SCNN1D: variants seen among roughly 807,000 people sequenced by gnomAD.
SCNN1D encodes the protein epithelial sodium channel subunit delta.
A neutral mutation model predicts 87.8 loss-of-function variants in SCNN1D; 104 were observed. The ratio of observed to expected loss-of-function variants is 1.18; its 90% CI spans 1.01 to 1.39. The LOEUF is 1.39. Ranked by LOEUF, SCNN1D falls within the 40% of genes most tolerant of loss-of-function variation. The probability of loss-of-function intolerance (pLI) is 0.00; values close to 1 mark genes in which losing one functional copy is unlikely to be tolerated. For missense variants in SCNN1D, 1,324 were observed against 1,093.9 expected, an observed-to-expected ratio of 1.21 and a Z score of -2.97; for synonymous variants, 628 against 481.2, an observed-to-expected ratio of 1.31 and a Z score of -3.99.
chr1:1,290,568 T>A lies in SCNN1D; in HGVS notation c.1859+13T>A. The A allele has an allele frequency of 6.2e-7, 1 of 1,611,946 alleles. No individual in the cohort carries two copies. The highest frequency in any genetic ancestry group is 8.5e-7 in the Non-Finnish European group (1 of 1,179,716). Reference sequence around the variant, plus strand: ...CCAGGCCCTGCAGGTGAGACGGGGGTGTTGGGGTCGCGGCCAGGGATCATT... The same window carrying A: ...CCAGGCCCTGCAGGTGAGACGGGGGAGTTGGGGTCGCGGCCAGGGATCATT... On this transcript the variant is annotated intron_variant, in intron 14 of 17. Transcript: ENST00000379116.
chr1:1,284,038 G>A lies in SCNN1D; in HGVS notation c.412G>A (p.Glu138Lys), dbSNP rs766276039. 1.1e-4 allele frequency: 152 copies of A among 1,384,812 alleles called. No individual in the cohort carries two copies. Among genetic ancestry groups the A allele is most frequent in the Middle Eastern group, 1.8e-4 (1 of 5,516 alleles). 85.8% of individuals were successfully genotyped at this position (1,384,812 alleles called of 1,614,324 possible). Residue 138 changes from glutamate to lysine, a missense_variant, in exon 5 of 18, where the codon GAA becomes AAA. Coordinates refer to ENST00000379116, the MANE Select transcript of SCNN1D (RefSeq NM_001130413.4). Reference sequence around the variant, plus strand: ...GCTGCCCCCGCAATGGCTGAGCACCGAAGCATGGACGGGAGAATGGAAGCA... The same window carrying A: ...GCTGCCCCCGCAATGGCTGAGCACCAAAGCATGGACGGGAGAATGGAAGCA... ...CQLPPQWLST[E>K]AWTGEWKQPH...
At chr1:1,290,861 G>A in intron 15 of SCNN1D, 34 bp from the exon 16 acceptor site, 1 of 1,605,816 alleles carries the variant, frequency 6.2e-7, no homozygotes, top group East Asian at 2.2e-5. Flanking sequence ...GGGGCATGGG[G>A]GAGCCGTGGC....
Position 1,280,571 on chromosome 1 carries a change from C to CCT in SCNN1D, c.-89_-88dup. 1.5e-6 allele frequency: 1 copy of CCT among 676,950 alleles called. No individual in the cohort carries two copies. Among genetic ancestry groups the CCT allele is most frequent in the South Asian group, 1.5e-5 (1 of 66,338 alleles). The allele number at this position is 676,950 out of a possible 1,614,324, so 41.9% of individuals were successfully genotyped here. The stretch of plus-strand genomic sequence containing the variant: ...GCAGATGAAGCCACCAGGTCACAAG[C>CCT]CTCAGAGAGAATCAACTATAAATGC... On this transcript the variant is annotated 5_prime_UTR_variant, in exon 1 of 18. The change creates a premature stop within an existing upstream ORF in the 5' untranslated region. Coordinates refer to ENST00000379116, the MANE Select transcript of SCNN1D (RefSeq NM_001130413.4).
intron 2 of SCNN1D, 44 bp downstream of exon 2, chr1:1,281,341 T>C: frequency 6.5e-7 from 1 of 1,535,224 alleles, no homozygotes; most frequent in Non-Finnish European, 8.7e-7. Context: ...TGGCCGTCTT[T>C]CCTGGGAGAG....
Position 1,287,737 on chromosome 1 carries a change from C to T in SCNN1D, c.1464C>T (p.Gly488=). The T allele has an allele frequency of 6.2e-7, 1 of 1,608,268 alleles. No homozygotes were observed. Among genetic ancestry groups the T allele is most frequent in the Non-Finnish European group, 8.5e-7 (1 of 1,177,900 alleles). Residue 488 remains glycine (G), a synonymous_variant, in exon 11 of 18, where the codon GGC becomes GGT. Transcript: ENST00000379116. ...PHLPLLSTLA[G]IRVMVHGRNH... ...TCCCTCTGCTGTCCACGCTGGCCGG[C>T]ATCAGGGTCATGGTTCACGGCCGTA...
At chr1:1,281,020 C>T (rs1188587629) in intron 1 of SCNN1D, 1 of 603,224 alleles carries the variant, frequency 1.7e-6, no homozygotes, top group Admixed American at 2.9e-5. Context: ...GGTGCAGGAC[C>T]CCAGAGGGAC....
intron 12 of SCNN1D, 32 bp downstream of exon 12, chr1:1,288,069 A>T (rs1640645419): frequency 6.2e-6 from 4 of 650,034 alleles, no homozygotes; most frequent in Non-Finnish European, 8.9e-6. Context: ...GTGCGGGGGC[A>T]GGTGAGGCTG....
Position 1,287,299 on chromosome 1 carries a change from G to A in SCNN1D, c.1310G>A (p.Arg437Gln), listed in dbSNP as rs781761412. 9.4e-5 allele frequency: 149 copies of A among 1,584,598 alleles called. 1 individual carries two copies. Among genetic ancestry groups the A allele is most frequent in the African/African-American group, 1.3e-4 (10 of 74,478 alleles). Residue 437 changes from arginine (R) to glutamine (Q), a missense_variant and splice_region_variant, in exon 9 of 18, where the codon CGA becomes CAA. Coordinates refer to ENST00000379116, the MANE Select transcript of SCNN1D (RefSeq NM_001130413.4). ...CSYDGLDCQA[R>Q]QFRTFHHPTY... ...TACGATGGCCTGGACTGCCAGGCCC[G>A]GTGAGTGTGGCGGGCGGGGGCCACT... is the stretch of plus-strand genomic sequence containing the variant.
intron 7 of SCNN1D, 35 bp downstream of exon 7, chr1:1,286,313 G>A (rs747955689): frequency 2.2e-5 from 32 of 1,468,880 alleles, no homozygotes; most frequent in East Asian, 1.7e-4. Context: ...AGGGGTGGCC[G>A]CCCCAGCTCC....
intron 3 of SCNN1D, chr1:1,281,991 G>A (rs1640479392): frequency 1.7e-6 from 1 of 585,568 alleles, no homozygotes; most frequent in South Asian, 2.1e-5. Context: ...CGGGCCATGT[G>A]TGCCCTGTCT....
Position 1,290,710 on chromosome 1 carries a change from G to A in SCNN1D, c.1917+16G>A. On this transcript the variant is annotated intron_variant, in intron 15 of 17. Transcript: ENST00000379116. ...CAAGTCAGCTGTGAGTCCCCAAAGT[G>A]GTGGGGTGGGGGTGTGGACAGCCAG... 6.2e-7 allele frequency: 1 copy of A among 1,612,318 alleles called. No homozygotes were observed. Among genetic ancestry groups the A allele is most frequent in the Non-Finnish European group, 8.5e-7 (1 of 1,179,748 alleles).
In SCNN1D at chr1:1,286,153, G is replaced by A. The variant is rs370439382; in HGVS notation, c.786G>A (p.Ala262=). ...WGLLSLGALV[A]LCWQLGLLFE... Reference sequence around the variant, plus strand: ...TGCTGTCCCTGGGAGCCCTGGTCGCGCTCTGCTGGCAGCTGGGGCTCCTCT... The same window carrying A: ...TGCTGTCCCTGGGAGCCCTGGTCGCACTCTGCTGGCAGCTGGGGCTCCTCT... Residue 262 remains alanine (A), a synonymous_variant, in exon 7 of 18, where the codon GCG becomes GCA. Coordinates refer to ENST00000379116, the MANE Select transcript of SCNN1D (RefSeq NM_001130413.4). The A allele has an allele frequency of 1.2e-4, 186 of 1,608,508 alleles. No homozygotes were observed. Among genetic ancestry groups the A allele is most frequent in the East Asian group, 4.7e-4 (21 of 44,782 alleles).
chr1:1,283,345 A>T (rs1317589864), intron 4 of SCNN1D, among the ~76,000 whole-genome samples: 1 of 152,094 alleles, frequency 6.6e-6, no homozygotes, highest in African/African-American at 2.4e-5. Context: ...CAGGGAAGGG[A>T]GGGAGTGCTG....
intron 14 of SCNN1D, 37 bp from the exon 15 acceptor site, chr1:1,290,600 G>A (rs1273733422): frequency 2.5e-6 from 4 of 1,612,534 alleles, no homozygotes; most frequent in Admixed American, 3.3e-5. Context: ...CATTGCCCCA[G>A]GTAGCGTGGC....
chr1:1,282,311 G>C lies in SCNN1D; in HGVS notation c.347G>C (p.Arg116Pro). The change falls in exon 4 of 18, where the codon CGG (arginine) becomes CCG (proline). Residue 116 changes from arginine to proline, a missense_variant. Transcript: ENST00000379116. Reference sequence around the variant, plus strand: ...GTGGCAGCTGCTTCCTTCCAGAGCCGGCAGGCAGGTGACCTCACCCTCCTC... The same window carrying C: ...GTGGCAGCTGCTTCCTTCCAGAGCCCGCAGGCAGGTGACCTCACCCTCCTC... ...SPVAAASFQS[R>P]QEARGSILLQ... 2 of 1,550,132 alleles carry C rather than the reference G, an allele frequency of 1.3e-6. No homozygotes were observed. The highest frequency in any genetic ancestry group is 1.7e-6 in the Non-Finnish European group (2 of 1,146,846).
At chr1:1,291,006 GC>G (rs974447631) in intron 16 of SCNN1D, 53 bp downstream of exon 16, 1 of 1,542,264 alleles carries the variant, frequency 6.5e-7, no homozygotes, top group Non-Finnish European at 8.9e-7. Flanking sequence ...TCCCCTCAAA[GC>G]CCCCCTCCCC....
rs550133588 is a variant in SCNN1D, at chr1:1,284,758, G to A, written c.464+668G>A. On this transcript the variant is annotated intron_variant, in intron 5 of 17. Transcript: ENST00000379116. ...CCGTGGGTTGGCCACATGGCACGAC[G>A]CAGATCCAGACAGGGTGGAGAGGCC... Among the ~76,000 whole-genome samples the A allele has an allele frequency of 1.2e-4, 19 of 152,206 alleles. 1 individual carries two copies. The highest frequency in any genetic ancestry group is 1.2e-3 in the South Asian group (6 of 4,834).
upstream of SCNN1D, chr1:1,283,976 A>C (rs1259552895): frequency 6.9e-7 from 1 of 1,451,966 alleles, no homozygotes. Flanking sequence ...TGTTTTAAAT[A>C]GGAGGCCAGA....
chr1:1,285,370 C>T (rs1379694559), intron 5 of SCNN1D, among the ~76,000 whole-genome samples: 1 of 152,202 alleles, frequency 6.6e-6, no homozygotes, highest in Admixed American at 6.5e-5. Flanking sequence ...ATGGGGCCAC[C>T]CCGAGCCACA....
Sources: gnomAD v4.1 joint callset for allele counts (sites outside exome capture counted in the v4.1 genomes callset) on GRCh38, gnomAD v4.1.1 for gene constraint, MANE v1.5 for transcripts, NCBI Gene and HGNC (gene_info 2026-07-23, HGNC 2026-07-21) for gene names.